The following MBOAT1 variants were observed in gnomAD, a reference collection of about 807,000 sequenced individuals.
MBOAT1 encodes the protein membrane-bound glycerophospholipid O-acyltransferase 1.
Under a neutral mutation model 64.4 loss-of-function variants are expected in MBOAT1, and 67 were observed. The observed-to-expected ratio is 1.04, with a 90% CI of 0.85 to 1.27. The LOEUF is 1.27. MBOAT1 is among the 50% of genes most tolerant of loss of function. MBOAT1 has a pLI of 0.00. For synonymous variants in MBOAT1, 229 were observed against 218.9 expected, an observed-to-expected ratio of 1.05 and a Z score of -0.41; for missense variants, 563 against 604.6, an observed-to-expected ratio of 0.93 and a Z score of 0.72.
At chr6:20,201,077 C>A (rs561374438) in intron 1 of MBOAT1, among the ~76,000 whole-genome samples, 5 of 152,294 alleles carry the variant, frequency 3.3e-5, no homozygotes, top group Non-Finnish European at 7.4e-5. Context: ...CTGCTGCCAC[C>A]CAGGAGTGTC....
At chr6:20,119,630 C>T (rs916682906) in intron 8 of MBOAT1, among the ~76,000 whole-genome samples, 1 of 152,152 alleles carries the variant, frequency 6.6e-6, no homozygotes, top group Non-Finnish European at 1.5e-5. Flanking sequence ...TTACGCTTGG[C>T]TTCACTGTAA....
In MBOAT1 at chr6:20,150,771, G is replaced by A. The variant is rs528032942; in HGVS notation, c.323+414C>T. Among the ~76,000 whole-genome samples the A allele has an allele frequency of 9.3e-5, 14 of 150,116 alleles. 1 individual carries two copies. The South Asian group carries it at 2.7e-3, about 29-fold the overall frequency. ...TTTTTTTTGTATTTTTAGTAGAGAC[G>A]AGGTTTCACCATGCTGCCCAGGCTG... On this transcript the variant is annotated intron_variant, in intron 3 of 12. Coordinates refer to ENST00000324607, the MANE Select transcript of MBOAT1 (RefSeq NM_001080480.3).
intron 7 of MBOAT1, 37 bp from the exon 8 acceptor site, chr6:20,124,637 G>A: frequency 6.2e-7 from 1 of 1,601,240 alleles, no homozygotes; most frequent in Non-Finnish European, 8.5e-7. Flanking sequence ...CCGTGCAGAA[G>A]GCTCAGGTAT....
chr6:20,209,400 T>G (rs1464794475), intron 1 of MBOAT1, among the ~76,000 whole-genome samples: 1 of 152,176 alleles, frequency 6.6e-6, no homozygotes, highest in East Asian at 1.9e-4. Flanking sequence ...GGCTTTCCTA[T>G]TTAAGGATGC....
At position 20,124,389 on chromosome 6, in the gene MBOAT1, G is replaced by C; in HGVS notation, c.907+19C>G. The C allele has an allele frequency of 6.2e-7, 1 of 1,608,632 alleles. No homozygotes were observed. On this transcript the variant is annotated intron_variant, in intron 8 of 12. Transcript: ENST00000324607. ...AGCATTTTTCCCTCATTCAGTTACAGCTACTCCATCAAACTTACCTAATGT... is the reference window on the plus strand; with the variant it reads ...AGCATTTTTCCCTCATTCAGTTACACCTACTCCATCAAACTTACCTAATGT...
chr6:20,190,981 T>C (rs1041587344), intron 1 of MBOAT1, among the ~76,000 whole-genome samples: 7 of 152,190 alleles, frequency 4.6e-5, no homozygotes, highest in African/African-American at 1.7e-4. Context: ...TTCCATCCAT[T>C]AGGCTTAATT....
chr6:20,105,635 G>A lies in MBOAT1; in HGVS notation c.1362-3223C>T, dbSNP rs577972469. On this transcript the variant is annotated intron_variant, in intron 12 of 12. Transcript: ENST00000324607. ...AAAAATTAGGCGGGTGCGGTCGCAC[G>A]TGCCTGTAATCCCAGCTACTCGGGA... Among the ~76,000 whole-genome samples, 6 of 152,240 alleles carry A rather than the reference G, an allele frequency of 3.9e-5. No individual in the cohort carries two copies. In the South Asian group the frequency reaches 6.2e-4, roughly 16 times the overall value.
At chr6:20,174,156 C>G (rs1394732673) in intron 1 of MBOAT1, among the ~76,000 whole-genome samples, 4 of 152,182 alleles carry the variant, frequency 2.6e-5, no homozygotes, top group African/African-American at 7.2e-5. Context: ...GTGAGGGTCT[C>G]ATGGACAGAA....
At chr6:20,147,621 G>A (rs1412183558) in intron 3 of MBOAT1, among the ~76,000 whole-genome samples, 1 of 149,534 alleles carries the variant, frequency 6.7e-6, no homozygotes, top group Non-Finnish European at 1.5e-5. Flanking sequence ...ACTGGGCAAC[G>A]AGAGCAAACT....
chr6:20,154,270 G>A (rs572038122), intron 1 of MBOAT1, among the ~76,000 whole-genome samples: 64 of 152,272 alleles, frequency 4.2e-4, no homozygotes, highest in African/African-American at 1.4e-3. Flanking sequence ...GGTGGCTCAC[G>A]CCTGTAATCC....
intron 1 of MBOAT1, among the ~76,000 whole-genome samples, chr6:20,207,848 A>G (rs1236227381): frequency 6.6e-6 from 1 of 152,268 alleles, no homozygotes; most frequent in African/African-American, 2.4e-5. Context: ...AAACCTGTGC[A>G]GTGCCTACGC....
Position 20,109,615 on chromosome 6 carries a change from C to A in MBOAT1, c.1344G>T (p.Pro448=). 6.2e-7 allele frequency: 1 copy of A among 1,612,696 alleles called. No homozygotes were observed. The highest frequency in any genetic ancestry group is 8.5e-7 in the Non-Finnish European group (1 of 1,179,194). The change falls in exon 12 of 13, where the codon CCG becomes CCT. Residue 448 remains proline, a synonymous_variant. Transcript: ENST00000324607. ...AAACTTACTTGTATAAGCTGATGGT[C>A]GGTTCAACTGCCAACATCACAAAGG... ...VAPFVMLAVE[P]TISLYKSMYF... is the part of the protein sequence containing the mutation.
At chr6:20,111,869 CATATATATATGTATATAT>C (rs1760173622) in intron 11 of MBOAT1, among the ~76,000 whole-genome samples, 1 of 124,318 alleles carries the variant, frequency 8.0e-6, no homozygotes, top group African/African-American at 3.9e-5. Context: ...CATATATATA[CATATATATATGTATATAT>C]ATATATTCCA....
chr6:20,166,833 A>C (rs972792312), intron 1 of MBOAT1, among the ~76,000 whole-genome samples: 1 of 151,990 alleles, frequency 6.6e-6, no homozygotes, highest in African/African-American at 2.4e-5. Context: ...TAGCTACTTG[A>C]GAGGCTGAGG....
At chr6:20,129,412 GA>G (rs1386302406) in intron 5 of MBOAT1, among the ~76,000 whole-genome samples, 1 of 152,162 alleles carries the variant, frequency 6.6e-6, no homozygotes. Flanking sequence ...CAAAGAAGCT[GA>G]AGTATTATCT....
chr6:20,149,100 C>CA (rs60045654), intron 3 of MBOAT1, among the ~76,000 whole-genome samples: 3,651 of 91,216 alleles, frequency 0.04, 94 homozygotes, highest in Admixed American at 0.1. Context: ...GACTCTGTCT[C>CA]AAAAAAAAAA....
intron 1 of MBOAT1, among the ~76,000 whole-genome samples, chr6:20,193,031 A>G (rs1157487015): frequency 1.1e-4 from 4 of 35,710 alleles, no homozygotes; most frequent in African/African-American, 2.0e-4. Flanking sequence ...TTTGAGACGG[A>G]GTCTCGCTCT....
At chr6:20,196,052 T>A (rs1295441176) in intron 1 of MBOAT1, among the ~76,000 whole-genome samples, 1 of 152,218 alleles carries the variant, frequency 6.6e-6, no homozygotes, top group Non-Finnish European at 1.5e-5. Flanking sequence ...AGATGTGTTC[T>A]TATTTGGGCC....
At chr6:20,160,433 G>T (rs1342145363) in intron 1 of MBOAT1, among the ~76,000 whole-genome samples, 1 of 152,196 alleles carries the variant, frequency 6.6e-6, no homozygotes, top group Non-Finnish European at 1.5e-5. Context: ...TCCAGGCCTG[G>T]AATGTCGAGT....
Sources: gnomAD v4.1 joint callset for allele counts (sites outside exome capture counted in the v4.1 genomes callset) on GRCh38, gnomAD v4.1.1 for gene constraint, MANE v1.5 for transcripts, NCBI Gene and HGNC (gene_info 2026-07-23, HGNC 2026-07-21) for gene names.